Variants in CTTNBP2NL observed in about 807,000 individuals in gnomAD.
The protein encoded by CTTNBP2NL is CTTNBP2 N-terminal-like protein.
A neutral mutation model predicts 32.5 loss-of-function variants in CTTNBP2NL; 16 were observed. That is an observed-to-expected ratio of 0.49 (90% CI 0.33 to 0.75). CTTNBP2NL has a LOEUF of 0.75. Ranked by LOEUF, CTTNBP2NL falls within the 30% of genes least tolerant of loss-of-function variation. CTTNBP2NL has a pLI of 0.02. For synonymous variants in CTTNBP2NL, 298 were observed against 289.4 expected, an observed-to-expected ratio of 1.03 and a Z score of -0.30; for missense variants, 645 against 756.0, an observed-to-expected ratio of 0.85 and a Z score of 1.72.
chr1:112,460,377 G>T lies in CTTNBP2NL; in HGVS notation c.*2965G>T, dbSNP rs1190612929. Reference sequence around the variant, plus strand: ...TGAAGTCAATGACCCATCCAGGTTAGACTCCATAAGGAACTAAGACATTGA... The same window carrying T: ...TGAAGTCAATGACCCATCCAGGTTATACTCCATAAGGAACTAAGACATTGA... On this transcript the variant is annotated 3_prime_UTR_variant, in exon 6 of 6. Coordinates refer to ENST00000271277, the MANE Select transcript of CTTNBP2NL (RefSeq NM_018704.3). 1 of 152,148 alleles carries T rather than the reference G, an allele frequency of 6.6e-6. No homozygotes were observed. Among genetic ancestry groups the T allele is most frequent in the Non-Finnish European group, 1.5e-5 (1 of 68,024 alleles). The allele number at this position is 152,148 out of a possible 1,614,324, so 9.4% of individuals were successfully genotyped here.
At position 112,448,944 on chromosome 1, in the gene CTTNBP2NL, C is replaced by A. The variant is rs762944269; in HGVS notation, c.102C>A (p.Ala34=). Residue 34 remains alanine, a splice_region_variant and synonymous_variant, in exon 4 of 6, where the codon GCC becomes GCA. Coordinates refer to ENST00000271277, the MANE Select transcript of CTTNBP2NL (RefSeq NM_018704.3). ...TTATTTTTTTTCCTCTTTCCCAGGC[C>A]CAACACAGAGATACTTTCATTGAAG... ...ARDLVIEALK[A]QHRDTFIEER... is the part of the protein sequence containing the mutation. The A allele has an allele frequency of 6.3e-7, 1 of 1,591,766 alleles. No individual in the cohort carries two copies. The highest frequency in any genetic ancestry group is 8.6e-7 in the Non-Finnish European group (1 of 1,160,254).
At chr1:112,422,062 A>T (rs1405512923) in intron 3 of CTTNBP2NL, among the ~76,000 whole-genome samples, 2 of 152,190 alleles carry the variant, frequency 1.3e-5, no homozygotes, top group Non-Finnish European at 2.9e-5. Context: ...AACCATTATC[A>T]CAATCAAGAT....
At chr1:112,451,091 C>A (rs1199310886) in intron 4 of CTTNBP2NL, among the ~76,000 whole-genome samples, 4 of 151,896 alleles carry the variant, frequency 2.6e-5, no homozygotes, top group Admixed American at 2.6e-4. Flanking sequence ...TCTTCTCATT[C>A]CCCATCCTCC....
At position 112,448,888 on chromosome 1, in the gene CTTNBP2NL, C is replaced by T. The variant is rs1570743952; in HGVS notation, c.100-54C>T. 2.0e-5 allele frequency: 20 copies of T among 996,954 alleles called. No individual in the cohort carries two copies. The East Asian group carries it at 4.8e-4, about 24-fold the overall frequency. The allele number at this position is 996,954 out of a possible 1,614,324, so 61.8% of individuals were successfully genotyped here. On this transcript the variant is annotated intron_variant, in intron 3 of 5. Transcript: ENST00000271277. ...GTATAACCACTGGATAGCAAATCCC[C>T]CTTCCTCAGTAGTTTTAAAAAGCAA...
At chr1:112,437,606 C>T (rs1557893776) in intron 3 of CTTNBP2NL, among the ~76,000 whole-genome samples, 1 of 152,160 alleles carries the variant, frequency 6.6e-6, no homozygotes, top group Non-Finnish European at 1.5e-5. Flanking sequence ...TCACTGCAAC[C>T]TCTGCCTCCT....
upstream of CTTNBP2NL, among the ~76,000 whole-genome samples, chr1:112,395,952 A>G (rs1570707748): frequency 1.3e-5 from 2 of 152,264 alleles, 1 homozygote; most frequent in Middle Eastern, 6.8e-3. Context: ...AAAGTTGCAG[A>G]CCCCGAGCCG....
chr1:112,419,912 T>A (rs1299415877), intron 3 of CTTNBP2NL, among the ~76,000 whole-genome samples: 2 of 152,178 alleles, frequency 1.3e-5, no homozygotes, highest in African/African-American at 4.8e-5. Context: ...GGATGGGTGG[T>A]TTCGATCATT....
At chr1:112,434,243 C>T (rs966051634) in intron 3 of CTTNBP2NL, among the ~76,000 whole-genome samples, 4 of 152,142 alleles carry the variant, frequency 2.6e-5, no homozygotes, top group Non-Finnish European at 5.9e-5. Flanking sequence ...ACCCATATAT[C>T]CAAGTGCCTT....
intron 1 of CTTNBP2NL, among the ~76,000 whole-genome samples, chr1:112,407,840 CTTTTTTT>C (rs869134559): frequency 1.0e-5 from 1 of 96,070 alleles, no homozygotes; most frequent in Non-Finnish European, 2.0e-5. Context: ...TTTTTTCTTT[CTTTTTTT>C]TTTTTTTTTT....
chr1:112,416,302 T>C, intron 3 of CTTNBP2NL, 38 bp downstream of exon 3: 1 of 1,003,044 alleles, frequency 1.0e-6, no homozygotes, highest in Non-Finnish European at 1.5e-6. Context: ...TCATCATACA[T>C]TGTGAAAGTC....
At chr1:112,454,679 A>G (rs1334568810) in intron 5 of CTTNBP2NL, 123 bp downstream of exon 5, 1 of 746,100 alleles carries the variant, frequency 1.3e-6, no homozygotes, top group Non-Finnish European at 2.3e-6. Context: ...AAGTTTAGGA[A>G]CTACTGGATT....
intron 4 of CTTNBP2NL, among the ~76,000 whole-genome samples, chr1:112,454,023 G>A (rs114340038): frequency 0.016 from 2,375 of 152,124 alleles, 73 homozygotes; most frequent in African/African-American, 0.055. Flanking sequence ...TCCTTCTTTG[G>A]TGCCTCTGGT....
At chr1:112,421,301 A>ATTTCT (rs10652218) in intron 3 of CTTNBP2NL, among the ~76,000 whole-genome samples, 65,622 of 118,154 alleles carry the variant, frequency 0.56, 20,173 homozygotes, top group South Asian at 0.72. Flanking sequence ...TGAGACCCCC[A>ATTTCT]TTTCTTTTCT....
intron 1 of CTTNBP2NL, among the ~76,000 whole-genome samples, chr1:112,403,285 A>T (rs1318417027): frequency 6.6e-6 from 1 of 152,138 alleles, no homozygotes; most frequent in African/African-American, 2.4e-5. Flanking sequence ...TGCTTTTGTT[A>T]TGATTTTCAC....
intron 3 of CTTNBP2NL, among the ~76,000 whole-genome samples, chr1:112,445,117 T>C (rs995649670): frequency 6.6e-6 from 1 of 152,200 alleles, no homozygotes; most frequent in Non-Finnish European, 1.5e-5. Flanking sequence ...TGTGAGTAAG[T>C]AAGCATGGAA....
chr1:112,435,234 G>A (rs1777620), intron 3 of CTTNBP2NL, among the ~76,000 whole-genome samples: 135,404 of 151,706 alleles, frequency 0.89, 60,604 homozygotes, highest in East Asian at 1. Flanking sequence ...TGTTGTCTAC[G>A]CTAGATTAGT....
upstream of CTTNBP2NL, among the ~76,000 whole-genome samples, chr1:112,394,373 G>C (rs1648260959): frequency 6.6e-6 from 1 of 152,144 alleles, no homozygotes; most frequent in Non-Finnish European, 1.5e-5. Context: ...GAGCGAAAGG[G>C]AGGAGGAGGA....
intron 1 of CTTNBP2NL, among the ~76,000 whole-genome samples, chr1:112,399,227 C>T (rs1648423300): frequency 1.4e-5 from 2 of 145,222 alleles, no homozygotes; most frequent in African/African-American, 5.2e-5. Flanking sequence ...GCTGAGGCAG[C>T]AGAATTGCTT....
intron 2 of CTTNBP2NL, among the ~76,000 whole-genome samples, chr1:112,415,612 A>G (rs1473536880): frequency 1.3e-5 from 2 of 149,704 alleles, no homozygotes; most frequent in Non-Finnish European, 3.0e-5. Flanking sequence ...GCTGGAGTAC[A>G]GTGGCGTGGT....
Sources: allele counts gnomAD v4.1 joint callset (sites outside exome capture counted in the v4.1 genomes callset), GRCh38; gene constraint gnomAD v4.1.1; transcripts MANE v1.5; gene names NCBI Gene and HGNC (gene_info 2026-07-23, HGNC 2026-07-21).